Variants in TRIQK observed in about 807,000 individuals in gnomAD.
TRIQK encodes triple QxxK/R motif-containing protein.
Under a neutral mutation model 10.8 loss-of-function variants are expected in TRIQK, and 10 were observed. The observed-to-expected ratio is 0.92, with a 90% CI of 0.57 to 1.57. The LOEUF is 1.57. Ranked by LOEUF, TRIQK falls within the 40% of genes most tolerant of loss-of-function variation. The probability of loss-of-function intolerance (pLI) is 0.00; values close to 1 mark genes in which losing one functional copy is unlikely to be tolerated. For missense variants in TRIQK, 107 were observed against 97.7 expected, an observed-to-expected ratio of 1.09 and a Z score of -0.40; for synonymous variants, 33 against 33.7, an observed-to-expected ratio of 0.98 and a Z score of 0.07.
chr8:92,938,556 A>C (rs572301684), intron 2 of TRIQK, among the ~76,000 whole-genome samples: 23 of 152,106 alleles, frequency 1.5e-4, no homozygotes, highest in African/African-American at 5.3e-4. Context: ...ATTTGGAAAA[A>C]CTTCTGACAT....
chr8:92,910,183 T>C (rs1809497498), intron 3 of TRIQK, among the ~76,000 whole-genome samples: 1 of 151,464 alleles, frequency 6.6e-6, no homozygotes, highest in Admixed American at 6.6e-5. Context: ...TTCAAGACTA[T>C]TTAAATTCTA....
At chr8:92,978,354 G>A (rs1812953209) in intron 1 of TRIQK, among the ~76,000 whole-genome samples, 1 of 152,132 alleles carries the variant, frequency 6.6e-6, no homozygotes, top group South Asian at 2.1e-4. Context: ...TTGATGCCCA[G>A]TGCCTGAAAA....
chr8:92,929,796 A>G (rs905235854), intron 2 of TRIQK, among the ~76,000 whole-genome samples: 2 of 152,202 alleles, frequency 1.3e-5, no homozygotes, highest in Non-Finnish European at 2.9e-5. Flanking sequence ...GTTATGATTC[A>G]CCAGGGTTTG....
chr8:92,916,436 C>T (rs1326959224), intron 3 of TRIQK, among the ~76,000 whole-genome samples: 6 of 152,032 alleles, frequency 3.9e-5, no homozygotes, highest in African/African-American at 1.4e-4. Flanking sequence ...CTTCCTTAAT[C>T]CTTCTTTCAC....
At chr8:92,977,393 G>A (rs931947155) in intron 1 of TRIQK, among the ~76,000 whole-genome samples, 3 of 151,416 alleles carry the variant, frequency 2.0e-5, no homozygotes, top group Non-Finnish European at 3.0e-5. Flanking sequence ...ATTTCAAATC[G>A]ATTTTTTTGC....
chr8:93,001,256 G>C (rs1160338388), intron 1 of TRIQK, among the ~76,000 whole-genome samples: 1 of 149,714 alleles, frequency 6.7e-6, no homozygotes, highest in East Asian at 2.0e-4. Flanking sequence ...GCAGTGAGCT[G>C]AGATTGCACC....
intron 2 of TRIQK, among the ~76,000 whole-genome samples, chr8:92,934,972 C>T (rs937667845): frequency 3.3e-5 from 5 of 151,770 alleles, no homozygotes; most frequent in Non-Finnish European, 5.9e-5. Flanking sequence ...AAGTAGATTT[C>T]CTGTTACAAT....
intron 3 of TRIQK, among the ~76,000 whole-genome samples, chr8:92,906,633 A>C (rs1478895343): frequency 6.6e-6 from 1 of 151,756 alleles, no homozygotes; most frequent in African/African-American, 2.4e-5. Context: ...CCATTATCAA[A>C]ATTTTAAAAA....
At chr8:92,896,172 T>C (rs1808586360) in intron 3 of TRIQK, among the ~76,000 whole-genome samples, 1 of 152,222 alleles carries the variant, frequency 6.6e-6, no homozygotes, top group Admixed American at 6.5e-5. Context: ...CTTGGGACTC[T>C]GTTTCTCACA....
chr8:93,011,203 C>CAT (rs201058784), intron 1 of TRIQK, among the ~76,000 whole-genome samples: 10,917 of 91,800 alleles, frequency 0.12, 555 homozygotes, highest in African/African-American at 0.2. Flanking sequence ...CACACACACA[C>CAT]ACATATATAT....
intron 2 of TRIQK, among the ~76,000 whole-genome samples, chr8:92,920,826 A>G (rs1196189396): frequency 6.6e-6 from 1 of 151,810 alleles, no homozygotes; most frequent in East Asian, 1.9e-4. Flanking sequence ...CTTTGAATGA[A>G]AGCCAACTTT....
At chr8:93,003,311 A>AGAGAGAGG (rs1285561493) in intron 1 of TRIQK, among the ~76,000 whole-genome samples, 1 of 132,298 alleles carries the variant, frequency 7.6e-6, no homozygotes, top group African/African-American at 2.8e-5. Flanking sequence ...CGCTTACAGG[A>AGAGAGAGG]GAGAGAGAGA....
intron 3 of TRIQK, among the ~76,000 whole-genome samples, chr8:92,914,544 A>G (rs1002650848): frequency 4.5e-4 from 68 of 152,306 alleles, no homozygotes; most frequent in African/African-American, 1.6e-3. Flanking sequence ...TAAAAAAGAC[A>G]ACTTGATTGA....
At chr8:92,971,537 C>G (rs893355889) in intron 1 of TRIQK, among the ~76,000 whole-genome samples, 2 of 152,052 alleles carry the variant, frequency 1.3e-5, no homozygotes, top group Non-Finnish European at 2.9e-5. Flanking sequence ...AATGAACTTC[C>G]ATTCACAATT....
chr8:92,959,467 T>A (rs190829927), intron 1 of TRIQK, among the ~76,000 whole-genome samples: 1 of 137,784 alleles, frequency 7.3e-6, no homozygotes, highest in East Asian at 2.1e-4. Context: ...ATACCATCAG[T>A]TATATATATG....
intron 2 of TRIQK, among the ~76,000 whole-genome samples, chr8:92,947,261 T>TAC (rs1341548458): frequency 1.3e-5 from 2 of 151,654 alleles, no homozygotes; most frequent in South Asian, 2.1e-4. Flanking sequence ...TATATATATA[T>TAC]ACACTCAAGT....
intron 3 of TRIQK, among the ~76,000 whole-genome samples, chr8:92,913,722 A>G (rs1435860733): frequency 1.3e-5 from 2 of 152,196 alleles, no homozygotes; most frequent in Admixed American, 6.5e-5. Context: ...ACCAACCCCA[A>G]TGCCCATCAA....
chr8:92,889,059 T>C (rs1816628507), intron 4 of TRIQK, among the ~76,000 whole-genome samples: 1 of 151,674 alleles, frequency 6.6e-6, no homozygotes, highest in South Asian at 2.1e-4. Flanking sequence ...TATGGCATTT[T>C]CTTTGTATTT....
At chr8:93,000,695 A>G (rs1315704740) in intron 1 of TRIQK, among the ~76,000 whole-genome samples, 2 of 152,196 alleles carry the variant, frequency 1.3e-5, no homozygotes, top group Non-Finnish European at 2.9e-5. Context: ...GGAAAAGGGT[A>G]AAAGTCTAGA....
Sources: gnomAD v4.1 joint callset for allele counts (sites outside exome capture counted in the v4.1 genomes callset) on GRCh38, gnomAD v4.1.1 for gene constraint, MANE v1.5 for transcripts, NCBI Gene and HGNC (gene_info 2026-07-23, HGNC 2026-07-21) for gene names.